Variants in SLC9C2 observed in about 807,000 individuals in gnomAD.
The protein encoded by SLC9C2 is solute carrier family 9 member C2 (putative).
In SLC9C2, 75 loss-of-function variants were observed where a neutral mutation model predicts 140.2. The ratio of observed to expected loss-of-function variants is 0.53; its 90% CI spans 0.44 to 0.65. SLC9C2 has a LOEUF of 0.65. SLC9C2 is among the 30% of genes least tolerant of loss of function. SLC9C2 has a pLI of 0.00. For synonymous variants in SLC9C2, 375 were observed against 420.9 expected, an observed-to-expected ratio of 0.89 and a Z score of 1.34; for missense variants, 1,074 against 1,331.8, an observed-to-expected ratio of 0.81 and a Z score of 3.01.
chr1:173,526,759 GT>G (rs762399885), intron 18 of SLC9C2, 45 bp from the exon 19 acceptor site: 2 of 1,302,664 alleles, frequency 1.5e-6, no homozygotes, highest in Admixed American at 4.7e-5. Context: ...TATTCATATA[GT>G]TTCTGTAAGA....
At chr1:173,579,035 A>C (rs1443475596) in intron 7 of SLC9C2, among the ~76,000 whole-genome samples, 2 of 152,178 alleles carry the variant, frequency 1.3e-5, no homozygotes, top group Admixed American at 1.3e-4. Context: ...AGCTACAAAG[A>C]ATTGTTGGTT....
chr1:173,566,055 T>G (rs1214316457), intron 9 of SLC9C2, among the ~76,000 whole-genome samples: 1 of 152,152 alleles, frequency 6.6e-6, no homozygotes, highest in Non-Finnish European at 1.5e-5. Context: ...AATGATCTTT[T>G]TAATGCATTG....
At chr1:173,583,444 G>T in intron 6 of SLC9C2, 62 bp downstream of exon 6, 2 of 936,876 alleles carry the variant, frequency 2.1e-6, no homozygotes, top group Non-Finnish European at 3.3e-6. Flanking sequence ...TAAAACATTT[G>T]AATGTATTTT....
Position 173,587,678 on chromosome 1 carries a change from T to C in SLC9C2, c.510A>G (p.Ser170=), listed in dbSNP as rs778536997. 1 of 1,610,098 alleles carries C rather than the reference T, an allele frequency of 6.2e-7. No homozygotes were observed. The change falls in exon 5 of 28, where the codon TCA becomes TCG. Residue 170 remains serine (S), a synonymous_variant. Coordinates refer to ENST00000367714, the MANE Select transcript of SLC9C2 (RefSeq NM_178527.4). ...GIIDPLRSVN[S]LKTIGISKIY... ...AATGTGACATACCAATAGTTTTTAGTGAATTCACAGAACGAAGAGGATCTA... is the reference window on the plus strand; with the variant it reads ...AATGTGACATACCAATAGTTTTTAGCGAATTCACAGAACGAAGAGGATCTA...
chr1:173,597,823 A>G, intron 4 of SLC9C2, 81 bp downstream of exon 4: 1 of 1,304,000 alleles, frequency 7.7e-7, no homozygotes, highest in Non-Finnish European at 1.0e-6. Context: ...TGAATTATTA[A>G]TCATCTATAT....
chr1:173,554,710 C>A (rs1663551422), intron 11 of SLC9C2, 23 bp downstream of exon 11: 1 of 1,486,956 alleles, frequency 6.7e-7, no homozygotes, highest in South Asian at 1.1e-5. Flanking sequence ...CCAGCTAATT[C>A]ATGAATGAGA....
intron 5 of SLC9C2, among the ~76,000 whole-genome samples, chr1:173,586,906 A>G (rs1293125735): frequency 1.3e-5 from 2 of 152,156 alleles, no homozygotes; most frequent in Non-Finnish European, 2.9e-5. Context: ...GAGTGAGCTT[A>G]GAGTACAGGT....
intron 5 of SLC9C2, among the ~76,000 whole-genome samples, chr1:173,583,868 A>G (rs1457038725): frequency 2.6e-5 from 4 of 152,208 alleles, no homozygotes; most frequent in Non-Finnish European, 5.9e-5. Flanking sequence ...TGTCTCAACC[A>G]TACTTGAGTT....
rs1661919219 is a variant in SLC9C2 at position 173,535,928 on chromosome 1, A to G, written c.1677T>C (p.Val559=). 1 of 1,504,966 alleles carries G rather than the reference A, an allele frequency of 6.6e-7. No individual in the cohort carries two copies. The highest frequency in any genetic ancestry group is 1.5e-5 in the African/African-American group (1 of 68,554). 93.2% of individuals were successfully genotyped at this position (1,504,966 alleles called of 1,614,324 possible). ...IQGKFMSIYD[V]STYMRTRSWL... is the part of the protein sequence containing the mutation. ...AACTTCTAGTTCTCATATAAGTTGA[A>G]ACATCATAAATACTCATGAATCTAA... is the stretch of plus-strand genomic sequence containing the variant. Residue 559 remains valine (V), a synonymous_variant, in exon 15 of 28, where the codon GTT becomes GTC. Coordinates refer to ENST00000367714, the MANE Select transcript of SLC9C2 (RefSeq NM_178527.4).
intron 13 of SLC9C2, among the ~76,000 whole-genome samples, chr1:173,542,467 C>T (rs959069802): frequency 6.6e-6 from 1 of 152,138 alleles, no homozygotes; most frequent in Non-Finnish European, 1.5e-5. Context: ...TGAAACTATT[C>T]CAATCAATAG....
At chr1:173,537,292 A>AC (rs1367915278) in intron 13 of SLC9C2, among the ~76,000 whole-genome samples, 6 of 152,146 alleles carry the variant, frequency 3.9e-5, no homozygotes, top group African/African-American at 1.4e-4. Context: ...AATGTATGCC[A>AC]CTCAGCCAGG....
intron 18 of SLC9C2, 92 bp downstream of exon 18, chr1:173,529,809 TTGTC>T: frequency 7.4e-7 from 1 of 1,355,220 alleles, no homozygotes. Context: ...CTGTTGGAAT[TTGTC>T]TGTTTCGTCA....
At chr1:173,597,803 T>G in intron 4 of SLC9C2, 101 bp downstream of exon 4, 1 of 1,200,840 alleles carries the variant, frequency 8.3e-7, no homozygotes, top group Non-Finnish European at 1.1e-6. Flanking sequence ...AAATAAAATA[T>G]GACATTTTGT....
chr1:173,550,479 G>A (rs890658834), intron 11 of SLC9C2, among the ~76,000 whole-genome samples: 7 of 147,106 alleles, frequency 4.8e-5, no homozygotes, highest in African/African-American at 7.7e-5. Flanking sequence ...TCACTCTGTC[G>A]CCAGGCTGGA....
At chr1:173,534,156 A>G (rs926159431) in intron 16 of SLC9C2, among the ~76,000 whole-genome samples, 2 of 152,108 alleles carry the variant, frequency 1.3e-5, no homozygotes, top group African/African-American at 4.8e-5. Flanking sequence ...GACCTAGCAA[A>G]CCAATTCTTA....
intron 23 of SLC9C2, among the ~76,000 whole-genome samples, chr1:173,516,106 G>A (rs1005778326): frequency 6.6e-6 from 1 of 152,184 alleles, no homozygotes; most frequent in Non-Finnish European, 1.5e-5. Context: ...TGTATAGGGT[G>A]TCTGATAACC....
At chr1:173,526,617 G>A (rs775105777) in intron 19 of SLC9C2, 46 bp downstream of exon 19, 1 of 1,416,744 alleles carries the variant, frequency 7.1e-7, no homozygotes, top group Non-Finnish European at 9.8e-7. Flanking sequence ...TAAATTATAG[G>A]ACAATAAGGT....
intron 11 of SLC9C2, among the ~76,000 whole-genome samples, chr1:173,552,710 A>G (rs1048812462): frequency 6.6e-6 from 1 of 152,240 alleles, no homozygotes; most frequent in Admixed American, 6.5e-5. Flanking sequence ...TCCTTTCAAA[A>G]TATTACTACT....
intron 16 of SLC9C2, 123 bp downstream of exon 16, chr1:173,534,361 G>A (rs1415992552): frequency 9.8e-7 from 1 of 1,021,600 alleles, no homozygotes; most frequent in Non-Finnish European, 1.4e-6. Flanking sequence ...TAAAATTCTA[G>A]GATCTCATCA....
Sources: allele counts gnomAD v4.1 joint callset (sites outside exome capture counted in the v4.1 genomes callset), GRCh38; gene constraint gnomAD v4.1.1; transcripts MANE v1.5; gene names NCBI Gene and HGNC (gene_info 2026-07-23, HGNC 2026-07-21).